CRTAC1: variants seen among roughly 807,000 people sequenced by gnomAD.
CRTAC1 encodes cartilage acidic protein 1, also known as acidic secreted protein in cartilage.
A neutral mutation model predicts 67.8 loss-of-function variants in CRTAC1; 37 were observed. That is an observed-to-expected ratio of 0.55 (90% CI 0.42 to 0.72). The LOEUF is 0.72. CRTAC1 is among the 30% of genes least tolerant of loss of function. The pLI is 0.00. For missense variants in CRTAC1, 780 were observed against 931.6 expected (o/e 0.84, Z 2.12); for synonymous variants, 348 against 371.0 (o/e 0.94, Z 0.71).
chr10:97,865,533 A>G lies in CRTAC1; in HGVS notation c.*15T>C, dbSNP rs775884488. 2.5e-6 allele frequency: 4 copies of G among 1,596,254 alleles called. No individual in the cohort carries two copies. Among genetic ancestry groups the G allele is most frequent in the Admixed American group, 1.7e-5 (1 of 59,370 alleles). On this transcript the variant is annotated 3_prime_UTR_variant, in exon 15 of 15. Transcript: ENST00000370597. ...CCTGCTGGACTCCATCCGCTGGTTC[A>G]TGTCCCACCCCTGCTCAGCAGCTGG...
intron 5 of CRTAC1, among the ~76,000 whole-genome samples, chr10:97,915,660 CAGACGTCCATGTGTCATT>C (rs1015949505): frequency 6.6e-6 from 1 of 151,188 alleles, no homozygotes; most frequent in Non-Finnish European, 1.5e-5. Context: ...GTTTTCCAGC[CAGACGTCCATGTGTCATT>C]AGCTGAGTGA....
Position 98,004,239 on chromosome 10 carries a change from C to CT in CRTAC1, c.224+6898dup, listed in dbSNP as rs568278419. Among the ~76,000 whole-genome samples the CT allele has an allele frequency of 1.8e-3, 279 of 152,254 alleles. 1 individual carries two copies. Among genetic ancestry groups the CT allele is most frequent in the African/African-American group, 5.8e-3 (240 of 41,542 alleles). The stretch of plus-strand genomic sequence containing the variant: ...AAGAAATATATTTTTGCAGAAGAGG[C>CT]TTTAGAGCAGGCCCTTTCAGCAGTT... On this transcript the variant is annotated intron_variant, in intron 2 of 14. Coordinates refer to ENST00000370597, the MANE Select transcript of CRTAC1 (RefSeq NM_018058.7).
intron 2 of CRTAC1, among the ~76,000 whole-genome samples, chr10:97,974,873 G>A (rs1282625631): frequency 6.6e-6 from 1 of 152,210 alleles, no homozygotes; most frequent in African/African-American, 2.4e-5. Context: ...ATGAATTGGT[G>A]CATCTCGCTG....
intron 1 of CRTAC1, among the ~76,000 whole-genome samples, chr10:98,027,426 A>G (rs574317940): frequency 6.6e-6 from 1 of 152,242 alleles, no homozygotes; most frequent in East Asian, 1.9e-4. Flanking sequence ...TCTCCAATCC[A>G]TCTATAATCT....
At chr10:97,939,859 A>G (rs1466337353) in intron 2 of CRTAC1, among the ~76,000 whole-genome samples, 1 of 152,028 alleles carries the variant, frequency 6.6e-6, no homozygotes, top group Non-Finnish European at 1.5e-5. Context: ...TCTTCTCTGG[A>G]AACCCACAGC....
At chr10:97,981,542 G>A (rs1003212999) in intron 2 of CRTAC1, among the ~76,000 whole-genome samples, 1 of 152,172 alleles carries the variant, frequency 6.6e-6, no homozygotes, top group Non-Finnish European at 1.5e-5. Flanking sequence ...GTTATTAACA[G>A]ATATTAAAGT....
At chr10:97,889,635 G>A (rs555318179) in intron 11 of CRTAC1, among the ~76,000 whole-genome samples, 1 of 152,248 alleles carries the variant, frequency 6.6e-6, no homozygotes, top group South Asian at 2.1e-4. Flanking sequence ...TCCCGCGGGA[G>A]CAGACACGAT....
chr10:97,895,954 C>A lies in CRTAC1; in HGVS notation c.1248G>T (p.Gly416=). 6.2e-7 allele frequency: 1 copy of A among 1,614,164 alleles called. No homozygotes were observed. The change falls in exon 10 of 15, where the codon GGG becomes GGT. Residue 416 remains glycine, a synonymous_variant. Coordinates refer to ENST00000370597, the MANE Select transcript of CRTAC1 (RefSeq NM_018058.7). This position sits in a 1 kb window ranked among gnomAD's most constrained non-coding sequence, Gnocchi z 4.2. ...GGVVTDFDGD[G]MLDLILSHGE... ...CATGGGACAAGATGAGGTCCAGCATCCCGTCTCCGTCGAAGTCGGTCACCA... is the reference window on the plus strand; with the variant it reads ...CATGGGACAAGATGAGGTCCAGCATACCGTCTCCGTCGAAGTCGGTCACCA...
intron 11 of CRTAC1, among the ~76,000 whole-genome samples, chr10:97,893,007 G>T (rs2050399588): frequency 6.6e-6 from 1 of 152,190 alleles, no homozygotes; most frequent in Non-Finnish European, 1.5e-5. Flanking sequence ...AGGAAGCCTG[G>T]GTTTGAATCC....
At chr10:97,924,098 T>C (rs530943494) in intron 3 of CRTAC1, among the ~76,000 whole-genome samples, 1 of 152,068 alleles carries the variant, frequency 6.6e-6, no homozygotes, top group African/African-American at 2.4e-5. Context: ...GTTGCAGGTC[T>C]GCACACCACA....
At chr10:97,951,648 T>C (rs187517293) in intron 2 of CRTAC1, among the ~76,000 whole-genome samples, 245 of 152,350 alleles carry the variant, frequency 1.6e-3, no homozygotes, top group Non-Finnish European at 2.7e-3. Context: ...AAAAATTACC[T>C]ACCTGACTGC....
At chr10:98,004,812 T>C (rs1386886036) in intron 2 of CRTAC1, among the ~76,000 whole-genome samples, 2 of 151,848 alleles carry the variant, frequency 1.3e-5, no homozygotes, top group African/African-American at 4.8e-5. Flanking sequence ...AAATTATATA[T>C]TTTATAATAT....
Position 97,865,620 on chromosome 10 carries a change from A to AGCAGTG in CRTAC1, c.1908_1913dup (p.Thr637_Ala638dup). The AGCAGTG allele has an allele frequency of 6.2e-7, 1 of 1,613,464 alleles. No homozygotes were observed. Among genetic ancestry groups the AGCAGTG allele is most frequent in the Non-Finnish European group, 8.5e-7 (1 of 1,179,698 alleles). On this transcript the variant is annotated inframe_insertion, in exon 15 of 15. Transcript: ENST00000370597. The stretch of plus-strand genomic sequence containing the variant: ...GATCTCCATCTACGAGGACCGGTGC[A>AGCAGTG]GCAGTGGCAGCTCCAGCAGCGGCAG...
Position 97,895,411 on chromosome 10 carries a change from G to A in CRTAC1, c.1320C>T (p.Gly440=), listed in dbSNP as rs752031587. The change falls in exon 11 of 15, where the codon GGC becomes GGT. Residue 440 remains glycine (G), a splice_region_variant and synonymous_variant. Coordinates refer to ENST00000370597, the MANE Select transcript of CRTAC1 (RefSeq NM_018058.7). The surrounding 1 kb of genome is among the most constrained non-coding windows in gnomAD (Gnocchi z 4.2). ...QPLSVFRGNQ[G]FNNNWLRVVP... ...CCACTCGCAGCCAGTTGTTGTTGAA[G>A]CCCTGCAGAGAGGGTGAGAGGCAGA... 9 of 1,598,194 alleles carry A rather than the reference G, an allele frequency of 5.6e-6. No homozygotes were observed. The highest frequency in any genetic ancestry group is 6.8e-6 in the Non-Finnish European group (8 of 1,173,044).
intron 2 of CRTAC1, among the ~76,000 whole-genome samples, chr10:98,006,475 G>T (rs531177322): frequency 1.3e-5 from 2 of 152,122 alleles, no homozygotes; most frequent in African/African-American, 4.8e-5. Context: ...GCAGAACAAA[G>T]GGCGGTCATT....
chr10:98,003,715 T>C (rs949119461), intron 2 of CRTAC1, among the ~76,000 whole-genome samples: 1 of 152,232 alleles, frequency 6.6e-6, no homozygotes, highest in Non-Finnish European at 1.5e-5. Context: ...GGGATTAGGA[T>C]GTGGCATTTT....
At chr10:97,914,253 G>T (rs544283128) in intron 5 of CRTAC1, among the ~76,000 whole-genome samples, 5 of 152,308 alleles carry the variant, frequency 3.3e-5, no homozygotes, top group Middle Eastern at 3.4e-3. Flanking sequence ...TTCCCAGGCA[G>T]GGGCTGGGCC....
chr10:97,865,422 G>T lies in CRTAC1; in HGVS notation c.*126C>A. On this transcript the variant is annotated 3_prime_UTR_variant, in exon 15 of 15. Transcript: ENST00000370597. The stretch of plus-strand genomic sequence containing the variant: ...TCCCTAATTGTTAGCTAAGTAATGT[G>T]CATGGATGGGCTTGGGGAGGGTCTA... 8.7e-7 allele frequency: 1 copy of T among 1,152,760 alleles called. No homozygotes were observed. Among genetic ancestry groups the T allele is most frequent in the East Asian group, 2.6e-5 (1 of 38,912 alleles). The allele number at this position is 1,152,760 out of a possible 1,614,324, so 71.4% of individuals were successfully genotyped here. A position where few individuals can be genotyped will look rare whatever the true frequency, so the allele number is the denominator to read the frequency against.
chr10:98,030,526 C>G lies in CRTAC1; in HGVS notation c.-54G>C. ...GGCGTGGGAAGCGGGCGCTCGCTGCCGCCTCTGCCGCCGGCGCCGCCGCCT... is the reference window on the plus strand; with the variant it reads ...GGCGTGGGAAGCGGGCGCTCGCTGCGGCCTCTGCCGCCGGCGCCGCCGCCT... On this transcript the variant is annotated 5_prime_UTR_variant, in exon 1 of 15. Transcript: ENST00000370597. This position sits in a 1 kb window ranked among gnomAD's most constrained non-coding sequence, Gnocchi z 4.2. 8.3e-7 allele frequency: 1 copy of G among 1,203,368 alleles called. No individual in the cohort carries two copies. Among genetic ancestry groups the G allele is most frequent in the Non-Finnish European group, 1.0e-6 (1 of 953,170 alleles). 74.5% of individuals were successfully genotyped at this position (1,203,368 alleles called of 1,614,324 possible). A position where few individuals can be genotyped will look rare whatever the true frequency, so the allele number is the denominator to read the frequency against.
Sources: allele counts gnomAD v4.1 joint callset (sites outside exome capture counted in the v4.1 genomes callset), GRCh38; gene constraint gnomAD v4.1.1; non-coding constraint Gnocchi (gnomAD v3.1); transcripts MANE v1.5; gene names NCBI Gene and HGNC (gene_info 2026-07-23, HGNC 2026-07-21).